The following VWC2L variants were observed in gnomAD, a reference collection of about 807,000 sequenced individuals.
VWC2L encodes von Willebrand factor C domain-containing protein 2-like.
Under a neutral mutation model 21.6 loss-of-function variants are expected in VWC2L, and 10 were observed. That is an observed-to-expected ratio of 0.46 (90% CI 0.29 to 0.78). The LOEUF is 0.78. VWC2L is among the 30% of genes least tolerant of loss of function. VWC2L has a pLI of 0.10. For synonymous variants in VWC2L, 96 were observed against 94.3 expected (o/e 1.02, Z -0.10); for missense variants, 209 against 277.1 (o/e 0.75, Z 1.74).
rs1187690816 is a variant in VWC2L at position 214,501,691 on chromosome 2, C to T, written c.520+64933C>T. On this transcript the variant is annotated intron_variant, in intron 3 of 3. Transcript: ENST00000312504. Reference sequence around the variant, plus strand: ...GAGCTGAGATCATGCCTCTGCGCTCCAGCCTGGGTGACAGAGCAAGACTCT... The same window carrying T: ...GAGCTGAGATCATGCCTCTGCGCTCTAGCCTGGGTGACAGAGCAAGACTCT... 4.3e-5 allele frequency among the ~76,000 whole-genome samples: 6 copies of T among 137,934 alleles called. 1 individual carries two copies. The allele number at this position is 137,934 out of a possible 152,430, so 90.5% of individuals were successfully genotyped here. A position where few individuals can be genotyped will look rare whatever the true frequency, so the allele number is the denominator to read the frequency against.
chr2:214,493,401 A>C (rs114915190), intron 3 of VWC2L, among the ~76,000 whole-genome samples: 49 of 152,326 alleles, frequency 3.2e-4, no homozygotes, highest in African/African-American at 1.1e-3. Flanking sequence ...TGAAAAATCT[A>C]AGAGTAGGTA....
intron 3 of VWC2L, among the ~76,000 whole-genome samples, chr2:214,518,191 G>T (rs1251528006): frequency 6.6e-6 from 1 of 151,880 alleles, no homozygotes; most frequent in South Asian, 2.1e-4. Context: ...AATTAGTACT[G>T]TATGTCAACT....
At chr2:214,481,605 G>A (rs567641482) in intron 3 of VWC2L, among the ~76,000 whole-genome samples, 2 of 152,302 alleles carry the variant, frequency 1.3e-5, no homozygotes, top group South Asian at 4.1e-4. Flanking sequence ...TGGTTATACA[G>A]CAATACACAA....
chr2:214,575,799 C>T lies in VWC2L; in HGVS notation c.648C>T (p.Cys216=). 6.2e-7 allele frequency: 1 copy of T among 1,613,242 alleles called. No homozygotes were observed. The highest frequency in any genetic ancestry group is 8.5e-7 in the Non-Finnish European group (1 of 1,179,366). ...CTGCTCAGTGTTCGAAACGTGAATG[C>T]CAAGGCAAGCAGACTGTGTAGGACA... ...WKPAQCSKRE[C]QGKQTV is the part of the protein sequence containing the mutation. Residue 216 remains cysteine (C), a synonymous_variant, in exon 4 of 4, where the codon TGC becomes TGT. Coordinates refer to ENST00000312504, the MANE Select transcript of VWC2L (RefSeq NM_001080500.4).
At chr2:214,574,726 C>T (rs1690201792) in intron 3 of VWC2L, among the ~76,000 whole-genome samples, 1 of 152,082 alleles carries the variant, frequency 6.6e-6, no homozygotes, top group African/African-American at 2.4e-5. Flanking sequence ...TTGTACCATC[C>T]TACTATAATC....
intron 3 of VWC2L, among the ~76,000 whole-genome samples, chr2:214,499,454 T>G (rs1688860230): frequency 7.1e-6 from 1 of 140,400 alleles, no homozygotes. Context: ...ATAGGACTAT[T>G]CAGAAGTTTG....
At chr2:214,513,514 T>C (rs1056197584) in intron 3 of VWC2L, among the ~76,000 whole-genome samples, 1 of 152,128 alleles carries the variant, frequency 6.6e-6, no homozygotes, top group African/African-American at 2.4e-5. Flanking sequence ...CAAACATTCG[T>C]AACGTGGCAG....
At chr2:214,433,630 G>A (rs534426073) in intron 2 of VWC2L, among the ~76,000 whole-genome samples, 19 of 152,270 alleles carry the variant, frequency 1.2e-4, no homozygotes, top group South Asian at 2.1e-4. Context: ...CCAAAGTACC[G>A]TGAGTTTTAC....
In VWC2L at chr2:214,547,600, C is replaced by T. The variant is rs190274737; in HGVS notation, c.521-28072C>T. ...CATGAAAGCTACTGAGTAGATCAAGCGAGCAACACTTATTCAAGATCATTA... is the reference window on the plus strand; with the variant it reads ...CATGAAAGCTACTGAGTAGATCAAGTGAGCAACACTTATTCAAGATCATTA... On this transcript the variant is annotated intron_variant, in intron 3 of 3. Transcript: ENST00000312504. Among the ~76,000 whole-genome samples the T allele has an allele frequency of 5.3e-4, 81 of 152,180 alleles. 1 individual carries two copies. In the East Asian group the frequency reaches 9.5e-3, roughly 18 times the overall value.
At chr2:214,545,065 A>T (rs1689684340) in intron 3 of VWC2L, among the ~76,000 whole-genome samples, 1 of 152,144 alleles carries the variant, frequency 6.6e-6, no homozygotes. Context: ...AATCTCCAGA[A>T]ATTCATTGCT....
In VWC2L at chr2:214,414,512, C is replaced by A. The variant is rs1702325777; in HGVS notation, c.319C>A (p.Pro107Thr). 6.2e-7 allele frequency: 1 copy of A among 1,612,998 alleles called. No individual in the cohort carries two copies. The highest frequency in any genetic ancestry group is 8.5e-7 in the Non-Finnish European group (1 of 1,179,580). Reference sequence around the variant, plus strand: ...TAAAGTGGAACACAATGGATGCTGTCCTGAGTGCAAAGAAGTAAAAAACTT... The same window carrying A: ...TAAAGTGGAACACAATGGATGCTGTACTGAGTGCAAAGAAGTAAAAAACTT... ...CTKVEHNGCC[P>T]ECKEVKNFCE... The change falls in exon 2 of 4, where the codon CCT becomes ACT. Residue 107 changes from proline to threonine, a missense_variant. Transcript: ENST00000312504.
At position 214,503,355 on chromosome 2, in the gene VWC2L, A is replaced by AG. The variant is rs142143903; in HGVS notation, c.520+66598dup. 8.6e-3 allele frequency among the ~76,000 whole-genome samples: 1,312 copies of AG among 152,238 alleles called. 19 individuals carry two copies. Among genetic ancestry groups the AG allele is most frequent in the African/African-American group, 0.03 (1,241 of 41,532 alleles). On this transcript the variant is annotated intron_variant, in intron 3 of 3. Coordinates refer to ENST00000312504, the MANE Select transcript of VWC2L (RefSeq NM_001080500.4). ...CCCATGAAAATACTTAATTTTAATCAGAAAAAAAAATGTAAACTTAGGTTA... is the reference window on the plus strand; with the variant it reads ...CCCATGAAAATACTTAATTTTAATCAGGAAAAAAAAATGTAAACTTAGGTTA...
At chr2:214,437,818 G>A (rs1162154756) in intron 3 of VWC2L, among the ~76,000 whole-genome samples, 1 of 151,978 alleles carries the variant, frequency 6.6e-6, no homozygotes, top group Non-Finnish European at 1.5e-5. Context: ...AAGTAGCTCT[G>A]GTTATTTCTG....
At chr2:214,453,355 G>A (rs1703005137) in intron 3 of VWC2L, among the ~76,000 whole-genome samples, 1 of 152,012 alleles carries the variant, frequency 6.6e-6, no homozygotes, top group Non-Finnish European at 1.5e-5. Flanking sequence ...TTGCATTTGT[G>A]TCATTGTTAA....
At chr2:214,478,535 T>A (rs376572367) in intron 3 of VWC2L, among the ~76,000 whole-genome samples, 3 of 151,478 alleles carry the variant, frequency 2.0e-5, no homozygotes, top group African/African-American at 7.3e-5. Context: ...TGTATGTGAA[T>A]AAAAGAGACA....
At position 214,578,904 on chromosome 2, in the gene VWC2L, CA is replaced by C. The variant is rs1460083078; in HGVS notation, c.*3086del. ...AACTGTAAAAAGGGGATTCTAGCAA[CA>C]ATATTTGATGTGTAAAAGAATATAT... is the stretch of plus-strand genomic sequence containing the variant. On this transcript the variant is annotated 3_prime_UTR_variant, in exon 4 of 4. Coordinates refer to ENST00000312504, the MANE Select transcript of VWC2L (RefSeq NM_001080500.4). 1 of 150,000 alleles carries C rather than the reference CA, an allele frequency of 6.7e-6. No individual in the cohort carries two copies. The highest frequency in any genetic ancestry group is 1.5e-5 in the Non-Finnish European group (1 of 67,720). The allele number at this position is 150,000 out of a possible 1,614,324, so 9.3% of individuals were successfully genotyped here.
At chr2:214,498,720 T>C (rs1409585069) in intron 3 of VWC2L, among the ~76,000 whole-genome samples, 1 of 147,566 alleles carries the variant, frequency 6.8e-6, no homozygotes, top group Non-Finnish European at 1.5e-5. Context: ...TATATGTGTA[T>C]ATATTATACA....
At chr2:214,479,568 G>A (rs1468495635) in intron 3 of VWC2L, among the ~76,000 whole-genome samples, 1 of 152,186 alleles carries the variant, frequency 6.6e-6, no homozygotes, top group Admixed American at 6.5e-5. Flanking sequence ...AGTTTGGGAG[G>A]CTGAGGCAGG....
intron 3 of VWC2L, among the ~76,000 whole-genome samples, chr2:214,501,409 C>T (rs1206739540): frequency 6.6e-6 from 1 of 152,058 alleles, no homozygotes; most frequent in Admixed American, 6.5e-5. Flanking sequence ...CCTGCCCACT[C>T]CCACCTTAAA....
Sources: allele counts gnomAD v4.1 joint callset (sites outside exome capture counted in the v4.1 genomes callset), GRCh38; gene constraint gnomAD v4.1.1; transcripts MANE v1.5; gene names NCBI Gene and HGNC (gene_info 2026-07-23, HGNC 2026-07-21).